ABCA12: variants seen among roughly 807,000 people sequenced by gnomAD.
The protein encoded by ABCA12 is glucosylceramide transporter ABCA12.
ABCA12 carries 156 observed loss-of-function variants against 293.5 expected under a neutral mutation model. The ratio of observed to expected loss-of-function variants is 0.53; its 90% CI spans 0.47 to 0.61. ABCA12 has a LOEUF of 0.61. ABCA12 is among the 20% of genes least tolerant of loss of function. The probability of loss-of-function intolerance (pLI) is 0.00; values close to 1 mark genes in which losing one functional copy is unlikely to be tolerated. For missense variants in ABCA12, 2,797 were observed against 3,090.2 expected, an observed-to-expected ratio of 0.91 and a Z score of 2.25; for synonymous variants, 1,063 against 1,108.0, an observed-to-expected ratio of 0.96 and a Z score of 0.81.
intron 17 of ABCA12, 63 bp from the exon 18 acceptor site, chr2:215,010,533 C>A (rs1279195162): frequency 1.9e-6 from 3 of 1,549,830 alleles, no homozygotes; most frequent in Non-Finnish European, 2.6e-6. Context: ...TTCCACATGG[C>A]AAATTGACAG....
intron 23 of ABCA12, 74 bp downstream of exon 23, chr2:214,997,621 A>G (rs1700062789): frequency 8.8e-7 from 1 of 1,139,684 alleles, no homozygotes; most frequent in East Asian, 2.4e-5. Context: ...GAAGTTTATA[A>G]AGGCATGATG....
intron 2 of ABCA12, among the ~76,000 whole-genome samples, chr2:215,089,714 T>C (rs1702103287): frequency 6.6e-6 from 1 of 152,224 alleles, no homozygotes; most frequent in African/African-American, 2.4e-5. Flanking sequence ...AGTACCTAAG[T>C]ATAGCAACCA....
At chr2:214,984,400 T>C (rs1224624252) in intron 28 of ABCA12, among the ~76,000 whole-genome samples, 1 of 152,116 alleles carries the variant, frequency 6.6e-6, no homozygotes, top group South Asian at 2.1e-4. Context: ...CCAGCCATGA[T>C]TGGGCTTTTA....
At position 215,134,612 on chromosome 2, in the gene ABCA12, T is replaced by G. The variant is rs1453083957; in HGVS notation, c.69+3528A>C. 1.1e-3 allele frequency among the ~76,000 whole-genome samples: 105 copies of G among 91,640 alleles called. 2 individuals carry two copies. Among genetic ancestry groups the G allele is most frequent in the African/African-American group, 1.6e-3 (20 of 12,498 alleles). 60.1% of individuals were successfully genotyped at this position (91,640 alleles called of 152,430 possible). ...CTCTCTCTCTCTCTATATATATATA[T>G]ATATAGAGAGAGAGAGAGAGAGAGA... is the stretch of plus-strand genomic sequence containing the variant. On this transcript the variant is annotated intron_variant, in intron 1 of 52. Coordinates refer to ENST00000272895, the MANE Select transcript of ABCA12 (RefSeq NM_173076.3).
chr2:214,982,677 TA>T (rs1699694575), intron 29 of ABCA12, among the ~76,000 whole-genome samples: 1 of 152,108 alleles, frequency 6.6e-6, no homozygotes, highest in East Asian at 1.9e-4. Context: ...CTTTGACAAA[TA>T]TCTAGAGAGT....
intron 19 of ABCA12, 83 bp downstream of exon 19, chr2:215,007,644 C>A (rs372340618): frequency 8.4e-6 from 13 of 1,541,104 alleles, no homozygotes; most frequent in South Asian, 4.5e-5. Flanking sequence ...AAAGTTACCC[C>A]CTTCCCGTTC....
At chr2:215,116,463 T>C (rs1344054784) in intron 1 of ABCA12, among the ~76,000 whole-genome samples, 6 of 152,172 alleles carry the variant, frequency 3.9e-5, no homozygotes, top group Non-Finnish European at 7.3e-5. Flanking sequence ...GATAGATTGA[T>C]AGAAGGGTGA....
intron 49 of ABCA12, 22 bp from the exon 50 acceptor site, chr2:214,943,039 T>C (rs1698457261): frequency 1.3e-6 from 2 of 1,598,580 alleles, no homozygotes; most frequent in Non-Finnish European, 8.6e-7. Context: ...AGCAGGATCA[T>C]ATTAGCATTC....
chr2:215,007,474 T>C lies in ABCA12; in HGVS notation c.2592+253A>G, dbSNP rs75255931. 3.4e-3 allele frequency among the ~76,000 whole-genome samples: 519 copies of C among 152,308 alleles called. 3 individuals carry two copies. The highest frequency in any genetic ancestry group is 0.012 in the African/African-American group (500 of 41,558). On this transcript the variant is annotated intron_variant, in intron 19 of 52. Coordinates refer to ENST00000272895, the MANE Select transcript of ABCA12 (RefSeq NM_173076.3). ...AAAAACTGATTTACATCACTAGTTA[T>C]GTCTCTAGATCAACTTGTAAGATGT...
At chr2:215,051,606 G>A (rs892888020) in intron 5 of ABCA12, among the ~76,000 whole-genome samples, 9 of 131,646 alleles carry the variant, frequency 6.8e-5, no homozygotes, top group East Asian at 2.2e-4. Flanking sequence ...TATTAAAAAC[G>A]CTAGTGTGTG....
chr2:215,058,842 A>G (rs968102787), intron 3 of ABCA12, among the ~76,000 whole-genome samples: 5 of 151,370 alleles, frequency 3.3e-5, no homozygotes, highest in South Asian at 2.1e-4. Context: ...CATTCTGAGG[A>G]AAAAAAAACT....
intron 20 of ABCA12, among the ~76,000 whole-genome samples, chr2:215,003,303 G>T (rs891671284): frequency 2.6e-5 from 4 of 152,126 alleles, no homozygotes; most frequent in Admixed American, 2.0e-4. Flanking sequence ...CATGGCAGAG[G>T]GAATGCATAA....
chr2:215,036,875 C>G (rs1701005781), intron 8 of ABCA12, 78 bp downstream of exon 8: 3 of 1,268,006 alleles, frequency 2.4e-6, no homozygotes, highest in Non-Finnish European at 3.5e-6. Context: ...TACATGATTA[C>G]TTTCATTGCA....
chr2:215,095,766 C>T (rs1305993311), intron 2 of ABCA12, among the ~76,000 whole-genome samples: 1 of 152,176 alleles, frequency 6.6e-6, no homozygotes, highest in African/African-American at 2.4e-5. Context: ...CCTGCCTTAA[C>T]TGATGACATT....
At position 214,982,276 on chromosome 2, in the gene ABCA12, G is replaced by A; in HGVS notation, c.4490C>T (p.Ser1497Leu). ...LSISIALIGGSRVVILDEPST... is the reference protein window; with the variant it reads ...LSISIALIGGLRVVILDEPST... The stretch of plus-strand genomic sequence containing the variant: ...TGGTTCATCCAAAATTACTACCCTT[G>A]ATCCACCAATGAGAGCTATGGATAT... The change falls in exon 30 of 53, where the codon TCA becomes TTA. Residue 1497 changes from serine to leucine, a missense_variant. By Grantham distance (145) the Ser-to-Leu change is moderately radical. This residue lies in a region of ABCA12 where 2,130 missense variants were observed against 2,427.0 expected (regional missense o/e 0.88). Coordinates refer to ENST00000272895, the MANE Select transcript of ABCA12 (RefSeq NM_173076.3). 6.2e-7 allele frequency: 1 copy of A among 1,614,022 alleles called. No individual in the cohort carries two copies.
chr2:214,950,311 T>G (rs1438967749), intron 45 of ABCA12, among the ~76,000 whole-genome samples: 1 of 151,748 alleles, frequency 6.6e-6, no homozygotes, highest in African/African-American at 2.4e-5. Context: ...TATGGAGGGA[T>G]GACTCTATAT....
At chr2:214,938,681 A>G (rs552989731) in intron 50 of ABCA12, among the ~76,000 whole-genome samples, 1 of 152,340 alleles carries the variant, frequency 6.6e-6, no homozygotes, top group African/African-American at 2.4e-5. Flanking sequence ...ATGGTATGTC[A>G]TGGTGGCTTT....
At chr2:214,970,031 A>G (rs926513223) in intron 37 of ABCA12, among the ~76,000 whole-genome samples, 1 of 152,008 alleles carries the variant, frequency 6.6e-6, no homozygotes, top group Non-Finnish European at 1.5e-5. Context: ...GAAAAAAAAA[A>G]TATGTACAAA....
chr2:215,052,755 G>T (rs968185620), intron 4 of ABCA12, among the ~76,000 whole-genome samples, 171 bp from the exon 5 acceptor site: 5 of 152,060 alleles, frequency 3.3e-5, no homozygotes, highest in Non-Finnish European at 7.4e-5. Flanking sequence ...CAAATTCCAT[G>T]AGTTTTTCTT....
Sources: allele counts gnomAD v4.1 joint callset (sites outside exome capture counted in the v4.1 genomes callset), GRCh38; gene constraint gnomAD v4.1.1; regional missense constraint gnomAD v4.1.1; transcripts MANE v1.5; gene names NCBI Gene and HGNC (gene_info 2026-07-23, HGNC 2026-07-21).